Variants in ANKRD6 observed in about 807,000 individuals in gnomAD.
ANKRD6 encodes the protein ankyrin repeat domain 6.
ANKRD6 carries 56 observed loss-of-function variants against 82.3 expected under a neutral mutation model. The ratio of observed to expected loss-of-function variants is 0.68; its 90% CI spans 0.55 to 0.85. The LOEUF (loss-of-function observed/expected upper bound fraction) is 0.85, where lower values mean the gene tolerates loss of function less well. Ranked by LOEUF, ANKRD6 falls within the 40% of genes least tolerant of loss-of-function variation. The probability of loss-of-function intolerance (pLI) is 0.00; values close to 1 mark genes in which losing one functional copy is unlikely to be tolerated. For missense variants in ANKRD6, 852 were observed against 907.6 expected, an observed-to-expected ratio of 0.94 and a Z score of 0.79; for synonymous variants, 347 against 352.1, an observed-to-expected ratio of 0.99 and a Z score of 0.16.
intron 1 of ANKRD6, chr6:89,508,727 G>A (rs1172295181): frequency 1.3e-5 from 2 of 152,158 alleles, no homozygotes; most frequent in Admixed American, 1.3e-4. Flanking sequence ...TTAAACTGAG[G>A]TTGAAATGTT....
At chr6:89,565,084 A>G (rs758784861) in intron 1 of ANKRD6, among the ~76,000 whole-genome samples, 2 of 152,236 alleles carry the variant, frequency 1.3e-5, no homozygotes, top group Non-Finnish European at 2.9e-5. Context: ...GGTCTGGGAA[A>G]GATAAAGCCC....
intron 4 of ANKRD6, among the ~76,000 whole-genome samples, chr6:89,603,693 A>G (rs1797812399): frequency 6.6e-6 from 1 of 152,206 alleles, no homozygotes; most frequent in Admixed American, 6.5e-5. Flanking sequence ...AAAAAAAAGT[A>G]AGCTCAACTG....
intron 2 of ANKRD6, among the ~76,000 whole-genome samples, chr6:89,573,602 C>G (rs1790444923): frequency 6.6e-6 from 1 of 152,164 alleles, no homozygotes. Flanking sequence ...ACTGCACATT[C>G]TTTGATTTCT....
At chr6:89,465,053 A>G (rs1387661216) in intron 1 of ANKRD6, among the ~76,000 whole-genome samples, 1 of 151,864 alleles carries the variant, frequency 6.6e-6, no homozygotes, top group Non-Finnish European at 1.5e-5. Flanking sequence ...ATTCTGGCCC[A>G]CTTAGATCCT....
At chr6:89,456,272 T>A (rs1773496864) in intron 1 of ANKRD6, among the ~76,000 whole-genome samples, 1 of 152,194 alleles carries the variant, frequency 6.6e-6, no homozygotes, top group South Asian at 2.1e-4. Context: ...AGCATGAGAT[T>A]TGGGAGGTGA....
intron 13 of ANKRD6, 83 bp downstream of exon 13, chr6:89,624,774 C>A (rs553532314): frequency 6.8e-7 from 1 of 1,478,854 alleles, no homozygotes; most frequent in Middle Eastern, 2.3e-4. Flanking sequence ...TTTAGCACAC[C>A]CTTCCACCCT....
chr6:89,516,661 G>A (rs1432341585), intron 1 of ANKRD6, among the ~76,000 whole-genome samples: 8 of 152,142 alleles, frequency 5.3e-5, no homozygotes, highest in Non-Finnish European at 1.2e-4. Flanking sequence ...ATTTTTAGTA[G>A]AGACGGGGTT....
chr6:89,618,349 A>C (rs1218130482), intron 9 of ANKRD6: 2 of 608,890 alleles, frequency 3.3e-6, no homozygotes, highest in Non-Finnish European at 5.8e-6. Flanking sequence ...GGACAGGGCC[A>C]TGATTGCAGA....
chr6:89,503,339 G>C (rs1779469098), intron 1 of ANKRD6, among the ~76,000 whole-genome samples: 1 of 152,190 alleles, frequency 6.6e-6, no homozygotes, highest in African/African-American at 2.4e-5. Flanking sequence ...CTTGGGCAGA[G>C]AGGACAGAAA....
intron 1 of ANKRD6, among the ~76,000 whole-genome samples, chr6:89,506,665 A>G: frequency 6.6e-6 from 1 of 152,206 alleles, no homozygotes; most frequent in East Asian, 1.9e-4. Context: ...AAGCTGGACA[A>G]AACAAAACAA....
At chr6:89,590,958 C>T (rs770696162) in intron 2 of ANKRD6, among the ~76,000 whole-genome samples, 17 of 152,186 alleles carry the variant, frequency 1.1e-4, no homozygotes, top group Non-Finnish European at 2.1e-4. Flanking sequence ...TCAATAAATT[C>T]TGGCCGCTGC....
In ANKRD6 at chr6:89,448,775, A is replaced by G. The variant is rs183861651; in HGVS notation, c.-144+15400A>G. Among the ~76,000 whole-genome samples, 388 of 152,302 alleles carry G rather than the reference A, an allele frequency of 2.5e-3. 2 individuals are homozygous for G. Among genetic ancestry groups the G allele is most frequent in the Admixed American group, 4.9e-3 (75 of 15,282 alleles). On this transcript the variant is annotated intron_variant, in intron 1 of 15. Coordinates refer to ENST00000339746, the MANE Select transcript of ANKRD6 (RefSeq NM_001242809.2). ...GCCGGGTGCGGTGGCTCACGCCTGT[A>G]ATCCTAGCACTTTGGGAGGCCGAGA...
chr6:89,567,273 T>G (rs1215761437), intron 2 of ANKRD6, among the ~76,000 whole-genome samples, 177 bp downstream of exon 2: 1 of 152,190 alleles, frequency 6.6e-6, no homozygotes, highest in African/African-American at 2.4e-5. Flanking sequence ...ATCTTTCAAG[T>G]GGAGCAACTT....
At chr6:89,489,337 G>A (rs1777757639) in intron 1 of ANKRD6, among the ~76,000 whole-genome samples, 1 of 152,164 alleles carries the variant, frequency 6.6e-6, no homozygotes, top group African/African-American at 2.4e-5. Flanking sequence ...CTTTGTCTCT[G>A]CTCTTGACAG....
At chr6:89,607,606 A>T (rs1304711558) in intron 5 of ANKRD6, among the ~76,000 whole-genome samples, 1 of 151,984 alleles carries the variant, frequency 6.6e-6, no homozygotes, top group Non-Finnish European at 1.5e-5. Context: ...TACCTTTCCC[A>T]AATTTTCCAG....
chr6:89,629,405 A>C, intron 15 of ANKRD6, 167 bp downstream of exon 15: 1 of 893,668 alleles, frequency 1.1e-6, no homozygotes, highest in Non-Finnish European at 1.8e-6. Context: ...CCATATACTC[A>C]GTTGCTATGT....
chr6:89,570,964 C>T (rs1789732883), intron 2 of ANKRD6, among the ~76,000 whole-genome samples: 1 of 152,176 alleles, frequency 6.6e-6, no homozygotes, highest in Non-Finnish European at 1.5e-5. Flanking sequence ...TACTGTTTTC[C>T]ATGGCTGTTG....
At chr6:89,464,930 G>C (rs1205432308) in intron 1 of ANKRD6, among the ~76,000 whole-genome samples, 2 of 152,054 alleles carry the variant, frequency 1.3e-5, no homozygotes, top group Non-Finnish European at 2.9e-5. Context: ...GGTAGAGAAG[G>C]GAATAGGTGA....
At chr6:89,601,280 G>C (rs879891582) in intron 3 of ANKRD6, among the ~76,000 whole-genome samples, 3 of 152,126 alleles carry the variant, frequency 2.0e-5, no homozygotes, top group Admixed American at 1.3e-4. Context: ...AGGAATAATA[G>C]TTTAGGATGC....
Sources: allele counts gnomAD v4.1 joint callset (sites outside exome capture counted in the v4.1 genomes callset), GRCh38; gene constraint gnomAD v4.1.1; transcripts MANE v1.5; gene names NCBI Gene and HGNC (gene_info 2026-07-23, HGNC 2026-07-21).